The following DMD variants were observed in gnomAD, a reference collection of about 807,000 sequenced individuals.
DMD encodes dystrophin.
Under a neutral mutation model 330.1 loss-of-function variants are expected in DMD, and 63 were observed. The observed-to-expected ratio is 0.19, with a 90% CI of 0.16 to 0.24. The LOEUF (loss-of-function observed/expected upper bound fraction) is 0.24. Ranked by LOEUF, DMD falls within the 10% of genes least tolerant of loss-of-function variation. The pLI is 1.00. For synonymous variants in DMD, 1,223 were observed against 959.8 expected (o/e 1.27, Z -5.07); for missense variants, 3,344 against 2,684.1 (o/e 1.25, Z -5.43).
At chrX:32,078,309 C>T (rs1011445568) in intron 44 of DMD, among the ~76,000 whole-genome samples, 1 of 111,804 alleles carries the variant, frequency 8.9e-6, no homozygotes, top group South Asian at 3.7e-4. Flanking sequence ...AATCTGAAAT[C>T]AGTCGCTTCA....
chrX:31,857,001 A>T (rs1272186609), intron 48 of DMD, among the ~76,000 whole-genome samples: 4 of 111,904 alleles, frequency 3.6e-5, no homozygotes. Context: ...TTCAGTAAGG[A>T]GAATTTTACT....
intron 48 of DMD, among the ~76,000 whole-genome samples, chrX:31,843,581 G>A (rs774040572): frequency 7.9e-4 from 88 of 111,344 alleles, no homozygotes; most frequent in Non-Finnish European, 1.5e-3. Context: ...CGTTTTGCTT[G>A]TTAAGTTCCC....
At chrX:33,006,615 G>T (rs2093401875) in intron 2 of DMD, among the ~76,000 whole-genome samples, 2 of 111,391 alleles carry the variant, frequency 1.8e-5, no homozygotes, top group South Asian at 7.6e-4. Context: ...ACTGCTACTG[G>T]ATTTACAAGT....
chrX:32,366,521 A>C (rs7887254), intron 34 of DMD, among the ~76,000 whole-genome samples: 2,295 of 112,250 alleles, frequency 0.02, 55 homozygotes, highest in African/African-American at 0.069. Context: ...AGATACAAAT[A>C]ATCAATTAAT....
At position 32,248,768 on chromosome X, in the gene DMD, T is replaced by C. The variant is rs182833645; in HGVS notation, c.6291-31705A>G. ...TATCAAGAATAACTTGGTGTGACTTTTATTATGAATGGATAATTACAACCT... is the reference window on the plus strand; with the variant it reads ...TATCAAGAATAACTTGGTGTGACTTCTATTATGAATGGATAATTACAACCT... On this transcript the variant is annotated intron_variant, in intron 43 of 78. Transcript: ENST00000357033. 4.5e-5 allele frequency among the ~76,000 whole-genome samples: 5 copies of C among 111,260 alleles called. No homozygotes were observed. In the East Asian group the frequency reaches 1.4e-3, roughly 31 times the overall value.
chrX:31,169,250 C>G (rs1043002126), intron 74 of DMD, among the ~76,000 whole-genome samples, 193 bp downstream of exon 74: 1 of 109,516 alleles, frequency 9.1e-6, no homozygotes, highest in Admixed American at 9.8e-5. Flanking sequence ...CTTCATCATA[C>G]TATTGCATCC....
chrX:32,068,282 A>C (rs2096273122), intron 44 of DMD, among the ~76,000 whole-genome samples: 1 of 110,280 alleles, frequency 9.1e-6, no homozygotes, highest in Admixed American at 9.7e-5. Context: ...AACTTGCAAA[A>C]GTTTTCTCCC....
chrX:32,775,744 G>C lies in DMD; in HGVS notation c.649+33749C>G, dbSNP rs939307917. ...TGTGATGGAAGGGGCTGGCACAAAGGTCTCTGACATACCCTGAAGACGTTT... is the reference window on the plus strand; with the variant it reads ...TGTGATGGAAGGGGCTGGCACAAAGCTCTCTGACATACCCTGAAGACGTTT... On this transcript the variant is annotated intron_variant, in intron 7 of 78. Transcript: ENST00000357033. Among the ~76,000 whole-genome samples the C allele has an allele frequency of 8.0e-5, 9 of 112,877 alleles. No individual in the cohort carries two copies. The Admixed American group carries it at 8.3e-4, about 10-fold the overall frequency.
rs866411910 is a variant in DMD at position 32,617,362 on chromosome X, T to C, written c.1332-2909A>G. Among the ~76,000 whole-genome samples, 4 of 111,468 alleles carry C rather than the reference T, an allele frequency of 3.6e-5. 1 individual carries two copies. In the Middle Eastern group the frequency reaches 0.014, roughly 389 times the overall value. On this transcript the variant is annotated intron_variant, in intron 11 of 78. Coordinates refer to ENST00000357033, the MANE Select transcript of DMD (RefSeq NM_004006.3). ...TAACCAAGACAGCATTGTATTAGCATAAAAACTGATCAGTGGAACATAATA... is the reference window on the plus strand; with the variant it reads ...TAACCAAGACAGCATTGTATTAGCACAAAAACTGATCAGTGGAACATAATA...
At chrX:33,179,991 C>A (rs1288935179) in intron 1 of DMD, among the ~76,000 whole-genome samples, 1 of 109,570 alleles carries the variant, frequency 9.1e-6, no homozygotes, top group African/African-American at 3.3e-5. Context: ...TGTGCACCAC[C>A]ACGCCTGGCT....
chrX:31,885,942 A>G (rs2094148649), intron 47 of DMD, among the ~76,000 whole-genome samples: 1 of 111,177 alleles, frequency 9.0e-6, no homozygotes, highest in African/African-American at 3.3e-5. Flanking sequence ...ATTAATCCAA[A>G]ATCATGTTTA....
chrX:31,663,436 C>T (rs746088521), intron 53 of DMD, among the ~76,000 whole-genome samples: 1 of 111,731 alleles, frequency 9.0e-6, no homozygotes, highest in East Asian at 2.8e-4. Flanking sequence ...ATTGAATTTC[C>T]TCTGTTTGAA....
At position 31,496,771 on chromosome X, in the gene DMD, G is replaced by A; in HGVS notation, c.8547+17C>T. 2.5e-6 allele frequency: 3 copies of A among 1,211,250 alleles called. No individual in the cohort carries two copies. The highest frequency in any genetic ancestry group is 3.4e-6 in the Non-Finnish European group (3 of 894,877). On this transcript the variant is annotated intron_variant, in intron 57 of 78. Coordinates refer to ENST00000357033, the MANE Select transcript of DMD (RefSeq NM_004006.3). ...GTGCTTAACATGTGCAAGGCACGAGGCTTAAAAATGTCCTACCCTATGTAC... is the reference window on the plus strand; with the variant it reads ...GTGCTTAACATGTGCAAGGCACGAGACTTAAAAATGTCCTACCCTATGTAC...
chrX:32,734,398 TC>T (rs1350183466), intron 7 of DMD, among the ~76,000 whole-genome samples: 1 of 103,101 alleles, frequency 9.7e-6, no homozygotes, highest in Non-Finnish European at 1.9e-5. Flanking sequence ...GAGGGAATCC[TC>T]CCTAACTCAT....
At chrX:31,587,364 T>C (rs1229650026) in intron 55 of DMD, among the ~76,000 whole-genome samples, 1 of 112,093 alleles carries the variant, frequency 8.9e-6, no homozygotes, top group Admixed American at 9.4e-5. Flanking sequence ...TGTGAGGTAA[T>C]GCATACGATA....
intron 44 of DMD, among the ~76,000 whole-genome samples, chrX:32,109,800 T>C (rs1422664066): frequency 8.9e-6 from 1 of 111,886 alleles, no homozygotes; most frequent in African/African-American, 3.2e-5. Context: ...TTTTCTATTA[T>C]ATTTTGATAG....
At chrX:32,490,583 G>A (rs2042898837) in intron 20 of DMD, among the ~76,000 whole-genome samples, 1 of 111,089 alleles carries the variant, frequency 9.0e-6, no homozygotes, top group Non-Finnish European at 1.9e-5. Flanking sequence ...GAAGTGGGGT[G>A]TTTATTTGTC....
chrX:31,221,740 G>A (rs746779753), intron 64 of DMD, among the ~76,000 whole-genome samples: 74 of 112,906 alleles, frequency 6.6e-4, no homozygotes, highest in Non-Finnish European at 1.3e-3. Context: ...TTGTTAGACT[G>A]TAAGTTCCAT....
intron 38 of DMD, among the ~76,000 whole-genome samples, chrX:32,348,203 C>A (rs989514068): frequency 3.6e-5 from 4 of 111,090 alleles, no homozygotes; most frequent in African/African-American, 1.3e-4. Context: ...TTATTAGAAA[C>A]CGTAAGTGCT....
Sources: allele counts gnomAD v4.1 joint callset (sites outside exome capture counted in the v4.1 genomes callset), GRCh38; gene constraint gnomAD v4.1.1; transcripts MANE v1.5; gene names NCBI Gene and HGNC (gene_info 2026-07-23, HGNC 2026-07-21).